AIM2: variants seen among roughly 807,000 people sequenced by gnomAD.
AIM2 encodes interferon-inducible protein AIM2.
A neutral mutation model predicts 27.7 loss-of-function variants in AIM2; 30 were observed. That is an observed-to-expected ratio of 1.08 (90% CI 0.81 to 1.47). AIM2 has a LOEUF of 1.47. Ranked by LOEUF, AIM2 falls within the 40% of genes most tolerant of loss-of-function variation. The probability of loss-of-function intolerance (pLI) is 0.00; values close to 1 mark genes in which losing one functional copy is unlikely to be tolerated. For missense variants in AIM2, 358 were observed against 411.3 expected (o/e 0.87, Z 1.12); for synonymous variants, 141 against 145.3 (o/e 0.97, Z 0.21).
intron 1 of AIM2, among the ~76,000 whole-genome samples, chr1:159,120,284 G>T (rs950938): frequency 6.6e-6 from 1 of 152,080 alleles, no homozygotes. Flanking sequence ...TATAGTAAAA[G>T]GTCCTGTGTG....
upstream of AIM2, among the ~76,000 whole-genome samples, chr1:159,145,216 C>T (rs898672342): frequency 3.9e-5 from 6 of 152,126 alleles, no homozygotes; most frequent in Non-Finnish European, 8.8e-5. Context: ...GTCATAACTC[C>T]TACCCCTTAA....
chr1:159,107,331 T>TGTGTGTGC (rs1337639775), intron 1 of AIM2, among the ~76,000 whole-genome samples: 7,727 of 150,152 alleles, frequency 0.051, 623 homozygotes, highest in African/African-American at 0.18. Context: ...TGTGTGTGTG[T>TGTGTGTGC]GCGCGCACTA....
At chr1:159,098,590 C>T (rs186256013) in intron 1 of AIM2, among the ~76,000 whole-genome samples, 3 of 152,150 alleles carry the variant, frequency 2.0e-5, no homozygotes, top group Admixed American at 6.5e-5. Flanking sequence ...AAAATAAGTA[C>T]ACAGGCAATG....
the AIM2 span, among the ~76,000 whole-genome samples, chr1:159,056,914 G>C: frequency 1.2e-4 from 19 of 152,068 alleles, no homozygotes; most frequent in Middle Eastern, 3.4e-3. Context: ...GAGAACTGAG[G>C]GGGGAGAAAG....
rs1656068225 is a variant in AIM2 at position 159,065,915 on chromosome 1, G to A, written c.811C>T (p.Gln271Ter). The change falls in exon 4 of 6, where the codon CAG becomes TAG. Residue 271 changes from glutamine (Q) to a stop codon, truncating the protein, a stop_gained. Transcript: ENST00000368130. LOFTEE classifies it high-confidence loss of function. The stretch of plus-strand genomic sequence containing the variant: ...AATTAGATATGAAAACTTACCTTCT[G>A]GACTACAAACAAACCATTCACAATT... Reference protein sequence around the residue: ...GTIVNGLFVVQKVTEKKKNIL... With the variant: ...GTIVNGLFVV The A allele has an allele frequency of 6.3e-7, 1 of 1,599,470 alleles. No individual in the cohort carries two copies. The highest frequency in any genetic ancestry group is 1.3e-5 in the African/African-American group (1 of 74,242).
chr1:159,106,659 CTGTCTCCTGAA>C (rs1158495627), intron 1 of AIM2, among the ~76,000 whole-genome samples: 1 of 152,212 alleles, frequency 6.6e-6, no homozygotes, highest in Non-Finnish European at 1.5e-5. Context: ...AGAACATTCT[CTGTCTCCTGAA>C]TACTTTCCTA....
At chr1:159,119,376 T>C (rs558072745) in intron 1 of AIM2, among the ~76,000 whole-genome samples, 3 of 152,162 alleles carry the variant, frequency 2.0e-5, no homozygotes, top group Non-Finnish European at 4.4e-5. Context: ...AATAATCTTA[T>C]ATTTTATCTT....
At chr1:159,096,571 T>C (rs1657185994) in intron 1 of AIM2, among the ~76,000 whole-genome samples, 1 of 152,130 alleles carries the variant, frequency 6.6e-6, no homozygotes, top group Non-Finnish European at 1.5e-5. Flanking sequence ...TAAGAGACAA[T>C]TTAAATTTAT....
At chr1:159,055,723 T>G in the AIM2 span, among the ~76,000 whole-genome samples, 1 of 152,238 alleles carries the variant, frequency 6.6e-6, no homozygotes, top group Non-Finnish European at 1.5e-5. Context: ...CAGAATAGAA[T>G]AGCAGAAAGT....
intron 1 of AIM2, among the ~76,000 whole-genome samples, chr1:159,115,957 A>C (rs1045421380): frequency 1.3e-5 from 2 of 152,084 alleles, no homozygotes; most frequent in African/African-American, 4.8e-5. Flanking sequence ...AATATCCAGA[A>C]TCTACAATGA....
At chr1:159,139,109 G>A (rs990398289) in intron 1 of AIM2, among the ~76,000 whole-genome samples, 2 of 152,226 alleles carry the variant, frequency 1.3e-5, no homozygotes, top group African/African-American at 4.8e-5. Flanking sequence ...CCCTCAGGAT[G>A]AAGAGAGTTG....
At chr1:159,060,690 A>G (rs2101954974), downstream of AIM2, among the ~76,000 whole-genome samples, 2 of 152,368 alleles carry the variant, frequency 1.3e-5, 1 homozygote, top group Middle Eastern at 6.8e-3. Context: ...CACTTAGAGT[A>G]AAGATCTATC....
At chr1:159,093,414 G>T (rs1657092860) in intron 1 of AIM2, among the ~76,000 whole-genome samples, 1 of 152,114 alleles carries the variant, frequency 6.6e-6, no homozygotes, top group Non-Finnish European at 1.5e-5. Context: ...TGGTAGCATA[G>T]GGAGATACAA....
At chr1:159,141,078 C>A (rs1227055405), upstream of AIM2, among the ~76,000 whole-genome samples, 1 of 151,958 alleles carries the variant, frequency 6.6e-6, no homozygotes, top group Non-Finnish European at 1.5e-5. Context: ...TGAGCTTGAG[C>A]GCAAAAAGCC....
intron 1 of AIM2, among the ~76,000 whole-genome samples, chr1:159,095,177 GTTTA>G (rs1657145994): frequency 6.6e-6 from 1 of 152,168 alleles, no homozygotes; most frequent in African/African-American, 2.4e-5. Flanking sequence ...TATGGAAAGT[GTTTA>G]TTTTTGTTGT....
chr1:159,117,461 A>AT (rs550748375), intron 1 of AIM2, among the ~76,000 whole-genome samples: 106 of 152,264 alleles, frequency 7.0e-4, no homozygotes, highest in African/African-American at 2.4e-3. Context: ...TGTATCCAAG[A>AT]TTTTTTTATA....
At chr1:159,116,000 ACC>A (rs1647337233) in intron 1 of AIM2, among the ~76,000 whole-genome samples, 1 of 150,204 alleles carries the variant, frequency 6.7e-6, no homozygotes, top group South Asian at 2.1e-4. Flanking sequence ...AAAACAAACA[ACC>A]CCATCAATAA....
At chr1:159,129,022 A>T (rs986593242) in intron 1 of AIM2, among the ~76,000 whole-genome samples, 2 of 152,192 alleles carry the variant, frequency 1.3e-5, no homozygotes, top group Non-Finnish European at 2.9e-5. Context: ...AAAACCTATG[A>T]ATGTGACCTC....
chr1:159,108,361 C>G (rs986180772), intron 1 of AIM2, among the ~76,000 whole-genome samples: 1 of 152,120 alleles, frequency 6.6e-6, no homozygotes, highest in Non-Finnish European at 1.5e-5. Flanking sequence ...ATAATTAAAA[C>G]TTAGCAAAAC....
Sources: gnomAD v4.1 joint callset for allele counts (sites outside exome capture counted in the v4.1 genomes callset) on GRCh38, gnomAD v4.1.1 for gene constraint, MANE v1.5 for transcripts, NCBI Gene and HGNC (gene_info 2026-07-23, HGNC 2026-07-21) for gene names.